CEP85L: variants seen among roughly 807,000 people sequenced by gnomAD.
CEP85L encodes centrosomal protein of 85 kDa-like.
In CEP85L, 60 loss-of-function variants were observed where a neutral mutation model predicts 100.3. The observed-to-expected ratio is 0.60, with a 90% CI of 0.49 to 0.74. CEP85L has a LOEUF of 0.74. Ranked by LOEUF, CEP85L falls within the 30% of genes least tolerant of loss-of-function variation. The pLI, the probability that CEP85L is intolerant of heterozygous loss-of-function variation, is 0.00. For missense variants in CEP85L, 973 were observed against 936.2 expected, an observed-to-expected ratio of 1.04 and a Z score of -0.51; for synonymous variants, 319 against 322.7, an observed-to-expected ratio of 0.99 and a Z score of 0.12.
At chr6:118,477,294 T>C (rs1483331470) in intron 10 of CEP85L, among the ~76,000 whole-genome samples, 1 of 152,200 alleles carries the variant, frequency 6.6e-6, no homozygotes, top group Non-Finnish European at 1.5e-5. Flanking sequence ...CAAATTAGCA[T>C]ATACTTTTAC....
At chr6:118,496,036 T>C (rs1020202980) in intron 5 of CEP85L, among the ~76,000 whole-genome samples, 3 of 152,200 alleles carry the variant, frequency 2.0e-5, no homozygotes, top group Admixed American at 6.5e-5. Context: ...AAAAATGGAA[T>C]TGGTCATTTT....
intron 2 of CEP85L, among the ~76,000 whole-genome samples, chr6:118,592,030 C>T (rs1476203176): frequency 6.6e-6 from 1 of 152,138 alleles, no homozygotes; most frequent in Non-Finnish European, 1.5e-5. Flanking sequence ...CTTTGTATAA[C>T]CTCTGACCTG....
chr6:118,498,932 A>C (rs1376689406), intron 5 of CEP85L, among the ~76,000 whole-genome samples: 1 of 152,246 alleles, frequency 6.6e-6, no homozygotes, highest in Non-Finnish European at 1.5e-5. Context: ...GTGGAATTAA[A>C]CTAGAAATCA....
chr6:118,652,532 C>A (rs1407534242), upstream of CEP85L: 1 of 1,397,904 alleles, frequency 7.2e-7, no homozygotes, highest in African/African-American at 1.5e-5. Context: ...TAAGTCGGAA[C>A]GCAGGTCGCT....
rs576174745 is a variant in CEP85L, at chr6:118,571,513, T to G, written c.233-5197A>C. The stretch of plus-strand genomic sequence containing the variant: ...TCCAAACAAAATCCCAATCTTCTGT[T>G]TCGCTATCATGTTATTCTCATCTGG... On this transcript the variant is annotated intron_variant, in intron 2 of 12. Transcript: ENST00000368491. Among the ~76,000 whole-genome samples, 25 of 152,328 alleles carry G rather than the reference T, an allele frequency of 1.6e-4. No individual in the cohort carries two copies. The South Asian group carries it at 5.2e-3, about 32-fold the overall frequency.
intron 1 of CEP85L, among the ~76,000 whole-genome samples, chr6:118,703,435 G>T (rs1482024600): frequency 2.6e-4 from 40 of 152,048 alleles, no homozygotes; most frequent in Admixed American, 2.4e-3. Flanking sequence ...TGAACTCTTA[G>T]CCTCAAGTGA....
In CEP85L at chr6:118,469,272, A is replaced by G. The variant is rs1046304410; in HGVS notation, c.2054T>C (p.Leu685Ser). Residue 685 changes from leucine (L) to serine (S), a missense_variant, in exon 12 of 13, where the codon TTA becomes TCA. Physicochemically the swap from Leu to Ser is moderately radical, Grantham distance 145. Around this residue, in one of 3 missense-constraint regions of CEP85L, gnomAD observed 890 missense variants for 844.5 expected, o/e 1.05. Coordinates refer to ENST00000368491, the MANE Select transcript of CEP85L (RefSeq NM_001042475.3). ...NQRQTDETCS[L>S]LDQGQEPDQS... Reference sequence around the variant, plus strand: ...GTCAGGTTCCTGGCCCTGATCCAATAAAGAGCATGTCTCATCTGTTTGTCT... The same window carrying G: ...GTCAGGTTCCTGGCCCTGATCCAATGAAGAGCATGTCTCATCTGTTTGTCT... The G allele has an allele frequency of 3.1e-5, 50 of 1,614,038 alleles. No individual in the cohort carries two copies. Among genetic ancestry groups the G allele is most frequent in the Non-Finnish European group, 4.2e-5 (49 of 1,179,910 alleles).
At chr6:118,636,772 T>C (rs1774519887) in intron 1 of CEP85L, among the ~76,000 whole-genome samples, 1 of 152,160 alleles carries the variant, frequency 6.6e-6, no homozygotes, top group Non-Finnish European at 1.5e-5. Context: ...CTTGAACTGA[T>C]CTCTTCCTGG....
chr6:118,477,750 G>A (rs139763766), intron 10 of CEP85L, among the ~76,000 whole-genome samples: 3 of 152,078 alleles, frequency 2.0e-5, no homozygotes, highest in African/African-American at 4.8e-5. Flanking sequence ...ACTCTAGAAT[G>A]GAAAAACCAA....
intron 2 of CEP85L, among the ~76,000 whole-genome samples, chr6:118,581,739 G>T (rs928439646): frequency 6.6e-6 from 1 of 152,092 alleles, no homozygotes; most frequent in African/African-American, 2.4e-5. Context: ...ATGGCCAACA[G>T]ATCGTCTTCA....
intron 1 of CEP85L, among the ~76,000 whole-genome samples, chr6:118,701,000 G>C (rs566015969): frequency 2.6e-5 from 4 of 152,288 alleles, no homozygotes; most frequent in African/African-American, 9.6e-5. Flanking sequence ...GGTTGTTAGG[G>C]TGGCCACCAG....
chr6:118,629,702 G>A (rs1246119083), intron 2 of CEP85L, among the ~76,000 whole-genome samples: 1 of 152,194 alleles, frequency 6.6e-6, no homozygotes, highest in Non-Finnish European at 1.5e-5. Context: ...GAGCTCCTAA[G>A]TATTTAGGCA....
intron 3 of CEP85L, among the ~76,000 whole-genome samples, chr6:118,533,631 C>T (rs375144132): frequency 1.2e-4 from 19 of 152,148 alleles, no homozygotes; most frequent in African/African-American, 4.6e-4. Context: ...GATAACAAAA[C>T]CAGACAAGAC....
At chr6:118,527,002 C>A (rs71559831) in intron 3 of CEP85L, among the ~76,000 whole-genome samples, 1 of 98,732 alleles carries the variant, frequency 1.0e-5, no homozygotes, top group East Asian at 3.3e-4. Context: ...TTTACTTTTT[C>A]TTTTTTTTTT....
chr6:118,636,688 G>A (rs184854808), intron 1 of CEP85L, among the ~76,000 whole-genome samples: 2 of 152,298 alleles, frequency 1.3e-5, no homozygotes. Context: ...CATCCCCTAA[G>A]CAGAAGAGAA....
intron 5 of CEP85L, chr6:118,502,782 A>G (rs1431474509): frequency 1.6e-6 from 1 of 609,840 alleles, no homozygotes; most frequent in Admixed American, 2.3e-5. Context: ...CTTGTACAAC[A>G]AGTAACTCCA....
At chr6:118,471,344 G>A (rs186550223) in intron 10 of CEP85L, among the ~76,000 whole-genome samples, 1 of 152,100 alleles carries the variant, frequency 6.6e-6, no homozygotes, top group Admixed American at 6.5e-5. Context: ...GTAGTTATTA[G>A]TGAATTCTAA....
In CEP85L at chr6:118,573,106, G is replaced by T. The variant is rs550453526; in HGVS notation, c.233-6790C>A. 4.5e-4 allele frequency among the ~76,000 whole-genome samples: 68 copies of T among 152,206 alleles called. 2 individuals are homozygous for T. In the South Asian group the frequency reaches 0.014, roughly 31 times the overall value. ...TAATATGAATCAGGCCTTCCCCTAAGGGCTTACATTTCACAGCTGCAGAGC... is the reference window on the plus strand; with the variant it reads ...TAATATGAATCAGGCCTTCCCCTAATGGCTTACATTTCACAGCTGCAGAGC... On this transcript the variant is annotated intron_variant, in intron 2 of 12. Coordinates refer to ENST00000368491, the MANE Select transcript of CEP85L (RefSeq NM_001042475.3).
At chr6:118,482,513 C>T (rs772680579) in intron 7 of CEP85L, among the ~76,000 whole-genome samples, 10 of 152,172 alleles carry the variant, frequency 6.6e-5, no homozygotes, top group East Asian at 1.9e-4. Context: ...TTAATCCATA[C>T]GATAGCATGT....
Sources: gnomAD v4.1 joint callset for allele counts (sites outside exome capture counted in the v4.1 genomes callset) on GRCh38, gnomAD v4.1.1 for gene constraint, gnomAD v4.1.1 regional missense constraint, MANE v1.5 for transcripts, NCBI Gene and HGNC (gene_info 2026-07-23, HGNC 2026-07-21) for gene names.